CHAF1B: variants seen among roughly 807,000 people sequenced by gnomAD.
The protein encoded by CHAF1B is chromatin assembly factor 1 subunit B, also known as CAF-1 subunit B.
CHAF1B carries 10 observed loss-of-function variants against 60.7 expected under a neutral mutation model. The observed-to-expected ratio is 0.16, with a 90% CI of 0.10 to 0.28. CHAF1B has a LOEUF of 0.28. CHAF1B is among the 10% of genes least tolerant of loss of function. The pLI, the probability that CHAF1B is intolerant of heterozygous loss-of-function variation, is 1.00. For missense variants in CHAF1B, 558 were observed against 708.4 expected (o/e 0.79, Z 2.41); for synonymous variants, 261 against 266.1 (o/e 0.98, Z 0.19).
intron 3 of CHAF1B, among the ~76,000 whole-genome samples, chr21:36,388,174 G>A (rs2146359199): frequency 6.6e-6 from 1 of 152,220 alleles, no homozygotes; most frequent in East Asian, 1.9e-4. Context: ...CTGTCATTTA[G>A]GTAGTTCAGT....
chr21:36,414,693 C>T (rs1009950619), intron 12 of CHAF1B, among the ~76,000 whole-genome samples: 1 of 152,120 alleles, frequency 6.6e-6, no homozygotes, highest in Admixed American at 6.5e-5. Context: ...CTCACTGCAA[C>T]CTCCGCCTTC....
At chr21:36,404,732 CTTTTTTT>C (rs61593376) in intron 8 of CHAF1B, among the ~76,000 whole-genome samples, 1 of 50,546 alleles carries the variant, frequency 2.0e-5, no homozygotes, top group African/African-American at 8.3e-5. Context: ...TTGCGCTGGC[CTTTTTTT>C]TTTTTTTTTT....
chr21:36,394,476 C>A, intron 4 of CHAF1B, 71 bp from the exon 5 acceptor site: 2 of 1,084,316 alleles, frequency 1.8e-6, no homozygotes, highest in South Asian at 1.3e-5. Flanking sequence ...TCCCAAAGTG[C>A]TGGGATTACA....
chr21:36,416,311 T>C lies in CHAF1B; in HGVS notation c.1625T>C (p.Leu542Pro). 1 of 1,614,078 alleles carries C rather than the reference T, an allele frequency of 6.2e-7. No homozygotes were observed. The highest frequency in any genetic ancestry group is 8.5e-7 in the Non-Finnish European group (1 of 1,179,974). The change falls in exon 14 of 14, where the codon CTA becomes CCA. Residue 542 changes from leucine (L) to proline (P), a missense_variant. Around this residue, in one of 2 missense-constraint regions of CHAF1B, gnomAD observed 233 missense variants for 214.9 expected, o/e 1.08. Transcript: ENST00000314103. ...GACGCTCAGGGCAGTCCCCCAGAGCTAAAGCGGCCCAGACTCGATGAAAAC... is the reference window on the plus strand; with the variant it reads ...GACGCTCAGGGCAGTCCCCCAGAGCCAAAGCGGCCCAGACTCGATGAAAAC... The part of the protein sequence containing the change: ...PGDAQGSPPE[L>P]KRPRLDENKG...
chr21:36,408,563 G>T (rs929907483), intron 8 of CHAF1B, among the ~76,000 whole-genome samples, 198 bp from the exon 9 acceptor site: 3 of 152,208 alleles, frequency 2.0e-5, no homozygotes, highest in Admixed American at 1.3e-4. Context: ...TGACAGGTAG[G>T]TAGAACTGGA....
chr21:36,407,784 C>A (rs1233544999), intron 8 of CHAF1B, among the ~76,000 whole-genome samples: 1 of 151,990 alleles, frequency 6.6e-6, no homozygotes, highest in East Asian at 1.9e-4. Context: ...TCGAGACCAC[C>A]CTGGCCAACA....
rs369040613 is a variant in CHAF1B, at chr21:36,415,336, G to C, written c.1535G>C (p.Ser512Thr). The change falls in exon 13 of 14, where the codon AGT becomes ACT. Residue 512 changes from serine (S) to threonine (T), a missense_variant. Around this residue, in one of 2 missense-constraint regions of CHAF1B, gnomAD observed 233 missense variants for 214.9 expected, o/e 1.08. Transcript: ENST00000314103. ...CCCTTAAAGACGGACACTCCACCAAGTTCTGTACCAACCAGTGTGATTTCC... is the reference window on the plus strand; with the variant it reads ...CCCTTAAAGACGGACACTCCACCAACTTCTGTACCAACCAGTGTGATTTCC... ...LTPLKTDTPP[S>T]SVPTSVISTP... 1 of 1,612,664 alleles carries C rather than the reference G, an allele frequency of 6.2e-7. No individual in the cohort carries two copies. Among genetic ancestry groups the C allele is most frequent in the African/African-American group, 1.3e-5 (1 of 74,754 alleles).
In CHAF1B at chr21:36,416,932, C is replaced by T. The variant is rs992031948; in HGVS notation, c.*566C>T. ...CCCATCATCTTCCCACCAGAAGTAA[C>T]CCTCGTTAATGTTGTAGTATATTTC... On this transcript the variant is annotated 3_prime_UTR_variant, in exon 14 of 14. Transcript: ENST00000314103. 1 of 152,062 alleles carries T rather than the reference C, an allele frequency of 6.6e-6. No individual in the cohort carries two copies. 9.4% of individuals were successfully genotyped at this position (152,062 alleles called of 1,614,324 possible).
chr21:36,412,069 C>T (rs184225329), intron 11 of CHAF1B, among the ~76,000 whole-genome samples: 203 of 152,270 alleles, frequency 1.3e-3, no homozygotes, highest in African/African-American at 4.8e-3. Context: ...AAAGGAAAGC[C>T]GTTTCTAGTT....
intron 8 of CHAF1B, among the ~76,000 whole-genome samples, chr21:36,406,474 T>C (rs1569127653): frequency 6.6e-6 from 1 of 152,040 alleles, no homozygotes; most frequent in African/African-American, 2.4e-5. Context: ...TTAGTAGAGA[T>C]GAGGTTTTAC....
At position 36,413,259 on chromosome 21, in the gene CHAF1B, C is replaced by T. The variant is rs114018584; in HGVS notation, c.1437C>T (p.His479=). The T allele has an allele frequency of 1.6e-3, 2,527 of 1,613,398 alleles. 39 individuals carry two copies. In the African/African-American group the frequency reaches 0.03, roughly 19 times the overall value. ...CCAGTAGTCAAAACACAAAAGCCCA[C>T]CCATCCCGGAGGGTCACTCTGAACA... ...LQPSSQNTKA[H]PSRRVTLNTL... Residue 479 remains histidine (H), a synonymous_variant, in exon 12 of 14, where the codon CAC becomes CAT. Transcript: ENST00000314103.
intron 7 of CHAF1B, among the ~76,000 whole-genome samples, chr21:36,400,622 T>C (rs1027871995): frequency 6.6e-6 from 1 of 152,084 alleles, no homozygotes; most frequent in Non-Finnish European, 1.5e-5. Context: ...TCTGGGAAGA[T>C]CCCTACACGA....
At chr21:36,394,956 C>T (rs1167917574) in intron 5 of CHAF1B, among the ~76,000 whole-genome samples, 1 of 152,074 alleles carries the variant, frequency 6.6e-6, no homozygotes, top group African/African-American at 2.4e-5. Flanking sequence ...GTCTCAAACT[C>T]CTAACCTCAG....
rs575162443 is a variant in CHAF1B at position 36,416,714 on chromosome 21, G to A, written c.*348G>A. ...TCATGGAGGGACTCCTTTTCAATAA[G>A]AATTAGGAAGATGAGAAAGTAATTT... On this transcript the variant is annotated 3_prime_UTR_variant, in exon 14 of 14. Transcript: ENST00000314103. The A allele has an allele frequency of 1.2e-3, 219 of 179,068 alleles. 5 individuals carry two copies. The highest frequency in any genetic ancestry group is 3.5e-4 in the Non-Finnish European group (30 of 85,944). 11.1% of individuals were successfully genotyped at this position (179,068 alleles called of 1,614,324 possible).
At chr21:36,416,033 C>T (rs549062858) in intron 13 of CHAF1B, among the ~76,000 whole-genome samples, 3 of 152,228 alleles carry the variant, frequency 2.0e-5, no homozygotes, top group Admixed American at 6.5e-5. Flanking sequence ...CGATTACAGG[C>T]GTGAGCCACC....
chr21:36,409,480 T>C lies in CHAF1B; in HGVS notation c.919+15T>C. On this transcript the variant is annotated intron_variant, in intron 10 of 13. Coordinates refer to ENST00000314103, the MANE Select transcript of CHAF1B (RefSeq NM_005441.3). ...GGTGGAAACAGGTATCCTCAGAGCC[T>C]CAGGGGTGTGTTATGTTTTCTCTCC... 1 of 1,596,424 alleles carries C rather than the reference T, an allele frequency of 6.3e-7. No individual in the cohort carries two copies.
intron 13 of CHAF1B, among the ~76,000 whole-genome samples, 196 bp downstream of exon 13, chr21:36,415,585 G>A (rs1294254491): frequency 1.3e-5 from 2 of 152,076 alleles, no homozygotes; most frequent in African/African-American, 4.8e-5. Flanking sequence ...GAGCATCCTG[G>A]TGAGCCAGGG....
At position 36,399,537 on chromosome 21, in the gene CHAF1B, A is replaced by G. The variant is rs149193400; in HGVS notation, c.595A>G (p.Ser199Gly). The G allele has an allele frequency of 1.9e-6, 3 of 1,614,028 alleles. No homozygotes were observed. The highest frequency in any genetic ancestry group is 2.2e-5 in the East Asian group (1 of 44,890). Residue 199 changes from serine (S) to glycine (G), a missense_variant, in exon 7 of 14, where the codon AGT becomes GGT. Physicochemically the swap from Ser to Gly is moderately conservative, Grantham distance 56. Transcript: ENST00000314103. ...TTTCTTCAGGGTGCTGCGAGTATAC[A>G]GTATACAGAAGAAGCGTGTGGCTTT... ...LSCDRVLRVY[S>G]IQKKRVAFNV...
chr21:36,392,677 C>T (rs2086100882), intron 4 of CHAF1B, among the ~76,000 whole-genome samples: 1 of 151,952 alleles, frequency 6.6e-6, no homozygotes, highest in South Asian at 2.1e-4. Context: ...CGGAGGGGCT[C>T]CTCACTTCTC....
Sources: allele counts gnomAD v4.1 joint callset (sites outside exome capture counted in the v4.1 genomes callset), GRCh38; gene constraint gnomAD v4.1.1; regional missense constraint gnomAD v4.1.1; transcripts MANE v1.5; gene names NCBI Gene and HGNC (gene_info 2026-07-23, HGNC 2026-07-21).